KRT79: variants seen among roughly 807,000 people sequenced by gnomAD.
KRT79 encodes keratin 79, also known as keratin, type II cytoskeletal 79.
A neutral mutation model predicts 49.0 loss-of-function variants in KRT79; 51 were observed. The observed-to-expected ratio is 1.04, with a 90% CI of 0.83 to 1.31. The LOEUF (loss-of-function observed/expected upper bound fraction) is 1.31. Ranked by LOEUF, KRT79 falls within the 40% of genes most tolerant of loss-of-function variation. KRT79 has a pLI of 0.00. For synonymous variants in KRT79, 312 were observed against 286.6 expected (o/e 1.09, Z -0.90); for missense variants, 728 against 688.0 (o/e 1.06, Z -0.65).
intron 1 of KRT79, among the ~76,000 whole-genome samples, chr12:52,832,381 A>C (rs1308958209): frequency 6.6e-6 from 1 of 152,102 alleles, no homozygotes; most frequent in Non-Finnish European, 1.5e-5. Context: ...TTCCCAAAAA[A>C]AACTTTTTTT....
At chr12:52,828,715 A>G (rs1027508988) in intron 4 of KRT79, among the ~76,000 whole-genome samples, 2 of 152,236 alleles carry the variant, frequency 1.3e-5, no homozygotes, top group African/African-American at 2.4e-5. Context: ...GGTTCTAAGA[A>G]AGCCAACGTT....
At chr12:52,826,054 C>T (rs1484632115) in intron 4 of KRT79, among the ~76,000 whole-genome samples, 2 of 152,122 alleles carry the variant, frequency 1.3e-5, no homozygotes, top group Non-Finnish European at 2.9e-5. Flanking sequence ...TCCTTCCCCA[C>T]CGAGATGAAC....
Position 52,833,818 on chromosome 12 carries a change from G to A in KRT79, c.443C>T (p.Thr148Ile). ...VRTQEREQIKTLNNKFASFID... is the reference protein window; with the variant it reads ...VRTQEREQIKILNNKFASFID... The stretch of plus-strand genomic sequence containing the variant: ...GAAGGAGGCGAACTTGTTGTTGAGG[G>A]TCTTGATCTGCTCCCGCTCCTGAGT... Residue 148 changes from threonine to isoleucine, a missense_variant, in exon 1 of 9, where the codon ACC becomes ATC. Physicochemically the swap from Thr to Ile is moderately conservative, Grantham distance 89. Transcript: ENST00000330553. 1.2e-6 allele frequency: 2 copies of A among 1,613,858 alleles called. No homozygotes were observed. The highest frequency in any genetic ancestry group is 2.2e-5 in the East Asian group (1 of 44,830).
chr12:52,821,779 G>A lies in KRT79; in HGVS notation c.*93C>T. ...ACCCTGGGTCTGAGGTCCCCTGGCT[G>A]TTCCTGCTCCTGAGAAGTGACTGGA... On this transcript the variant is annotated 3_prime_UTR_variant, in exon 9 of 9. Transcript: ENST00000330553. The A allele has an allele frequency of 1.7e-6, 2 of 1,169,192 alleles. No homozygotes were observed. Among genetic ancestry groups the A allele is most frequent in the Non-Finnish European group, 2.5e-6 (2 of 805,328 alleles). 72.4% of individuals were successfully genotyped at this position (1,169,192 alleles called of 1,614,324 possible).
At chr12:52,822,841 A>C (rs898467344) in intron 7 of KRT79, among the ~76,000 whole-genome samples, 175 bp downstream of exon 7, 3 of 152,172 alleles carry the variant, frequency 2.0e-5, no homozygotes, top group Non-Finnish European at 4.4e-5. Context: ...GAGTTGTGCC[A>C]ACCAAGGAGA....
rs574611592 is a variant in KRT79 at position 52,822,063 on chromosome 12, A to C, written c.1417T>G (p.Ser473Ala). 9 of 1,614,044 alleles carry C rather than the reference A, an allele frequency of 5.6e-6. No homozygotes were observed. Among genetic ancestry groups the C allele is most frequent in the African/African-American group, 1.3e-5 (1 of 75,060 alleles). The change falls in exon 9 of 9, where the codon TCC becomes GCC. Residue 473 changes from serine (S) to alanine (A), a missense_variant. Coordinates refer to ENST00000330553, the MANE Select transcript of KRT79 (RefSeq NM_175834.3). ...SAVSISVTGN[S>A]TTVCGGGAAS... ...GCGCCACCTCCGCACACAGTGGTGG[A>C]GTTGCCAGTCACAGCTGCAAAGCAA...
chr12:52,827,108 TG>T (rs1418447946), intron 4 of KRT79, among the ~76,000 whole-genome samples: 5 of 152,300 alleles, frequency 3.3e-5, no homozygotes, highest in Non-Finnish European at 5.9e-5. Context: ...CTGCACAGGC[TG>T]GGCCCCAGGC....
In KRT79 at chr12:52,823,981, T is replaced by A. The variant is rs181592679; in HGVS notation, c.1052A>T (p.His351Leu). 6.2e-7 allele frequency: 1 copy of A among 1,614,170 alleles called. No individual in the cohort carries two copies. The highest frequency in any genetic ancestry group is 8.5e-7 in the Non-Finnish European group (1 of 1,180,020). The change falls in exon 6 of 9, where the codon CAT becomes CTT. Residue 351 changes from histidine to leucine, a missense_variant. Coordinates refer to ENST00000330553, the MANE Select transcript of KRT79 (RefSeq NM_175834.3). ...YEELQVTAGK[H>L]GDNLRDTKNE... ...CTTGGTGTCCCGCAGGTTGTCCCCA[T>A]GCTTCCCAGCAGTCACCTGCAGCTC...
chr12:52,825,591 C>CA (rs1312125287), intron 4 of KRT79, among the ~76,000 whole-genome samples: 5 of 152,092 alleles, frequency 3.3e-5, no homozygotes, highest in Admixed American at 1.3e-4. Context: ...TAGGCAGGAA[C>CA]AAAGAGAGAC....
At chr12:52,827,857 A>G (rs996901662) in intron 4 of KRT79, among the ~76,000 whole-genome samples, 2 of 152,204 alleles carry the variant, frequency 1.3e-5, no homozygotes, top group Non-Finnish European at 2.9e-5. Flanking sequence ...AACCCAAGAC[A>G]GGGTAGATGA....
In KRT79 at chr12:52,833,996, C is replaced by T. The variant is rs768322135; in HGVS notation, c.265G>A (p.Gly89Ser). ...ALLGRALGGFGFGSRAFMGQG... is the reference protein window; with the variant it reads ...ALLGRALGGFSFGSRAFMGQG... ...CCCATAAATGCCCTGCTGCCAAAGC[C>T]AAAGCCCCCCAGAGCCCGCCCCAAC... The change falls in exon 1 of 9, where the codon GGC becomes AGC. Residue 89 changes from glycine to serine, a missense_variant. Physicochemically the swap from Gly to Ser is moderately conservative, Grantham distance 56 (BLOSUM62 0). Transcript: ENST00000330553. The T allele has an allele frequency of 1.2e-6, 2 of 1,612,484 alleles. No individual in the cohort carries two copies. Among genetic ancestry groups the T allele is most frequent in the South Asian group, 2.2e-5 (2 of 90,936 alleles).
At chr12:52,824,446 G>A in intron 4 of KRT79, 84 bp from the exon 5 acceptor site, 1 of 1,402,672 alleles carries the variant, frequency 7.1e-7, no homozygotes, top group South Asian at 1.3e-5. Flanking sequence ...GGGCCCCCAG[G>A]TAGCATCAGG....
rs756566213 is a variant in KRT79, at chr12:52,823,772, G to C, written c.1146+115C>G. 4 of 1,240,030 alleles carry C rather than the reference G, an allele frequency of 3.2e-6. No homozygotes were observed. The South Asian group carries it at 6.1e-5, about 19-fold the overall frequency. 76.8% of individuals were successfully genotyped at this position (1,240,030 alleles called of 1,614,324 possible). On this transcript the variant is annotated intron_variant, in intron 6 of 8. Transcript: ENST00000330553. Reference sequence around the variant, plus strand: ...ATGTAAAAGGAGCCTGTGATCAATGGCCTAGCATTCTATTGTGTCCGTCAG... The same window carrying C: ...ATGTAAAAGGAGCCTGTGATCAATGCCCTAGCATTCTATTGTGTCCGTCAG...
chr12:52,822,702 A>G (rs1484753897), intron 7 of KRT79, among the ~76,000 whole-genome samples: 1 of 152,112 alleles, frequency 6.6e-6, no homozygotes, highest in South Asian at 2.1e-4. Flanking sequence ...CCCACTTTCT[A>G]TTTCATGCTT....
chr12:52,833,772 T>C lies in KRT79; in HGVS notation c.477+12A>G. 11 of 1,609,562 alleles carry C rather than the reference T, an allele frequency of 6.8e-6. No individual in the cohort carries two copies. Among genetic ancestry groups the C allele is most frequent in the Non-Finnish European group, 9.4e-6 (11 of 1,176,032 alleles). On this transcript the variant is annotated intron_variant, in intron 1 of 8. Coordinates refer to ENST00000330553, the MANE Select transcript of KRT79 (RefSeq NM_175834.3). Reference sequence around the variant, plus strand: ...CCCCAAGAGCTCCCTTCCTCCTTCCTGCTTGGCCCACCTTGTCGATGAAGG... The same window carrying C: ...CCCCAAGAGCTCCCTTCCTCCTTCCCGCTTGGCCCACCTTGTCGATGAAGG...
chr12:52,822,923 C>T, intron 7 of KRT79, 93 bp downstream of exon 7: 1 of 1,293,890 alleles, frequency 7.7e-7, no homozygotes, highest in East Asian at 2.4e-5. Context: ...CCTGGTTCCT[C>T]TCTCCCTCTC....
At chr12:52,830,495 G>GA (rs1347092902) in intron 2 of KRT79, 4 of 576,460 alleles carry the variant, frequency 6.9e-6, no homozygotes, top group Non-Finnish European at 3.1e-6. Context: ...CCATTTTAGG[G>GA]AAAGAGGCAC....
Position 52,826,712 on chromosome 12 carries a change from C to T in KRT79, c.856-2350G>A, listed in dbSNP as rs182825772. Among the ~76,000 whole-genome samples the T allele has an allele frequency of 6.6e-5, 10 of 152,104 alleles. 1 individual carries two copies. The highest frequency in any genetic ancestry group is 2.2e-4 in the African/African-American group (9 of 41,470). On this transcript the variant is annotated intron_variant, in intron 4 of 8. Coordinates refer to ENST00000330553, the MANE Select transcript of KRT79 (RefSeq NM_175834.3). ...GCACAAGCGGAAGAGGGACTGGGTT[C>T]CACAGATGCCCCAGGCCAGAGGGAG...
rs1221873505 is a variant in KRT79 at position 52,834,274 on chromosome 12, C to A, written c.-14G>T. ...GGAGGACCTCATAGCTGCAGAGGGG[C>A]CGGAGGGCAGGATGAGAGGGCAGGA... On this transcript the variant is annotated 5_prime_UTR_variant, in exon 1 of 9. Coordinates refer to ENST00000330553, the MANE Select transcript of KRT79 (RefSeq NM_175834.3). 1.3e-5 allele frequency: 21 copies of A among 1,603,224 alleles called. No homozygotes were observed. Among genetic ancestry groups the A allele is most frequent in the Non-Finnish European group, 1.8e-5 (21 of 1,171,988 alleles).
Sources: allele counts gnomAD v4.1 joint callset (sites outside exome capture counted in the v4.1 genomes callset), GRCh38; gene constraint gnomAD v4.1.1; transcripts MANE v1.5; gene names NCBI Gene and HGNC (gene_info 2026-07-23, HGNC 2026-07-21).